The following PDE1C variants were observed in gnomAD, a reference collection of about 807,000 sequenced individuals.
PDE1C encodes the protein dual specificity calcium/calmodulin-dependent 3',5'-cyclic nucleotide phosphodiesterase 1C.
Under a neutral mutation model 93.1 loss-of-function variants are expected in PDE1C, and 62 were observed. That is an observed-to-expected ratio of 0.67 (90% confidence interval 0.54 to 0.82). The LOEUF (loss-of-function observed/expected upper bound fraction) is 0.82, where lower values mean the gene tolerates loss of function less well. Ranked by LOEUF, PDE1C falls within the 40% of genes least tolerant of loss-of-function variation. The pLI is 0.00. For synonymous variants in PDE1C, 325 were observed against 310.1 expected, an observed-to-expected ratio of 1.05 and a Z score of -0.50; for missense variants, 742 against 884.6, an observed-to-expected ratio of 0.84 and a Z score of 2.04.
At chr7:32,372,473 T>C (rs924286910) in intron 1 of PDE1C, among the ~76,000 whole-genome samples, 3 of 152,086 alleles carry the variant, frequency 2.0e-5, no homozygotes, top group Admixed American at 1.3e-4. Context: ...CCTCACACAA[T>C]ACACGAAATT....
chr7:32,340,390 A>G (rs757098366), intron 1 of PDE1C, among the ~76,000 whole-genome samples: 5 of 152,200 alleles, frequency 3.3e-5, no homozygotes, highest in Non-Finnish European at 5.9e-5. Context: ...CAAGGGGAAC[A>G]GTGTGTGCAA....
chr7:32,376,034 C>T (rs1784426935), intron 1 of PDE1C, among the ~76,000 whole-genome samples: 1 of 152,000 alleles, frequency 6.6e-6, no homozygotes, highest in Non-Finnish European at 1.5e-5. Context: ...GCATGTGCCT[C>T]TAATCCCAGC....
Position 32,181,271 on chromosome 7 carries a change from C to T in PDE1C, c.137-11315G>A, listed in dbSNP as rs192650821. ...GAAAGTTAACAAGGATATCCAGGAA[C>T]TGAACTCATCTCTGCACCAAGCGGA... On this transcript the variant is annotated intron_variant, in intron 2 of 18. Coordinates refer to the PDE1C transcript ENST00000396193. Among the ~76,000 whole-genome samples, 40 of 152,188 alleles carry T rather than the reference C, an allele frequency of 2.6e-4. 1 individual carries two copies. In the East Asian group the frequency reaches 7.4e-3, roughly 28 times the overall value.
At chr7:31,904,431 G>T (rs1007001464) in intron 2 of PDE1C, among the ~76,000 whole-genome samples, 3 of 151,504 alleles carry the variant, frequency 2.0e-5, no homozygotes, top group Non-Finnish European at 2.9e-5. Context: ...TGTTAATTTT[G>T]CAGATTCTTC....
At chr7:32,046,506 CTG>C (rs1187139820) in intron 2 of PDE1C, among the ~76,000 whole-genome samples, 1 of 152,098 alleles carries the variant, frequency 6.6e-6, no homozygotes, top group African/African-American at 2.4e-5. Context: ...CTTTGTTCAC[CTG>C]TATCTCACCT....
intron 1 of PDE1C, among the ~76,000 whole-genome samples, chr7:32,061,221 T>C (rs1373224589): frequency 6.6e-6 from 1 of 152,236 alleles, no homozygotes; most frequent in Non-Finnish European, 1.5e-5. Flanking sequence ...GTCTAAATTA[T>C]TGCTCTTCTG....
chr7:31,880,983 A>G, intron 2 of PDE1C, 123 bp from the exon 3 acceptor site: 1 of 673,064 alleles, frequency 1.5e-6, no homozygotes. Flanking sequence ...CTGAAAGGAA[A>G]ATAATTATGG....
At chr7:31,934,581 C>G (rs1162248559) in intron 2 of PDE1C, among the ~76,000 whole-genome samples, 1 of 151,156 alleles carries the variant, frequency 6.6e-6, no homozygotes, top group Non-Finnish European at 1.5e-5. Flanking sequence ...AAAAATCACA[C>G]TAGCTTACGT....
rs1213702808 is a variant in PDE1C at position 31,794,081 on chromosome 7, C to CAGATAGATAGATAGATAGATAGAT, written c.1891+14949_1891+14950insATCTATCTATCTATCTATCTATCT. Among the ~76,000 whole-genome samples the CAGATAGATAGATAGATAGATAGAT allele has an allele frequency of 1.9e-3, 254 of 135,572 alleles. 2 individuals are homozygous for CAGATAGATAGATAGATAGATAGAT. The highest frequency in any genetic ancestry group is 2.5e-3 in the Non-Finnish European group (154 of 62,762). 88.9% of individuals were successfully genotyped at this position (135,572 alleles called of 152,430 possible). On this transcript the variant is annotated intron_variant, in intron 16 of 17. Coordinates refer to ENST00000396191, the MANE Select transcript of PDE1C (RefSeq NM_001191057.4). The stretch of plus-strand genomic sequence containing the variant: ...ACAGACAGACAGACAGACAGACAGA[C>CAGATAGATAGATAGATAGATAGAT]AGACAGACAGATAGATAGACAGATA...
the PDE1C span, among the ~76,000 whole-genome samples, chr7:31,673,752 A>G: frequency 6.6e-6 from 1 of 152,034 alleles, no homozygotes; most frequent in Admixed American, 6.6e-5. Flanking sequence ...CAGTTGTCTC[A>G]ACATCACTGA....
chr7:32,392,486 A>T (rs1335439783), intron 1 of PDE1C, among the ~76,000 whole-genome samples: 4 of 152,204 alleles, frequency 2.6e-5, no homozygotes, highest in Non-Finnish European at 4.4e-5. Context: ...AAGATATCAC[A>T]AGAAAAGAAA....
intron 3 of PDE1C, among the ~76,000 whole-genome samples, chr7:32,128,904 CAAATATATATATATATAT>C (rs1799740990): frequency 2.5e-5 from 1 of 40,814 alleles, no homozygotes; most frequent in African/African-American, 8.8e-5. Flanking sequence ...TAAAGTATAA[CAAATATATATATATATAT>C]ATATATATAT....
At chr7:31,633,695 T>C in the PDE1C span, among the ~76,000 whole-genome samples, 1 of 152,296 alleles carries the variant, frequency 6.6e-6, no homozygotes, top group East Asian at 1.9e-4. Flanking sequence ...GCTAACTTGC[T>C]TGGTGACTCA....
At chr7:31,643,546 T>C in the PDE1C span, 1 of 1,614,056 alleles carries the variant, frequency 6.2e-7, no homozygotes, top group South Asian at 1.1e-5. Flanking sequence ...GGCTGTGGCC[T>C]TGGGGACTGG....
chr7:32,147,536 G>T (rs1800969533), intron 3 of PDE1C, among the ~76,000 whole-genome samples: 1 of 152,068 alleles, frequency 6.6e-6, no homozygotes, highest in South Asian at 2.1e-4. Flanking sequence ...GGTCCAGGAG[G>T]TCTAGTGTAG....
At chr7:31,726,042 C>T in the PDE1C span, among the ~76,000 whole-genome samples, 1 of 152,148 alleles carries the variant, frequency 6.6e-6, no homozygotes. Context: ...TTTCACGTGA[C>T]TTTTACAGAG....
chr7:32,288,789 T>C (rs549087949), intron 1 of PDE1C, among the ~76,000 whole-genome samples: 2 of 152,362 alleles, frequency 1.3e-5, no homozygotes, highest in African/African-American at 4.8e-5. Flanking sequence ...ATGGCGTTAA[T>C]GTGTGTTCCC....
intron 16 of PDE1C, among the ~76,000 whole-genome samples, chr7:31,802,687 A>C (rs780600522): frequency 6.7e-6 from 1 of 150,284 alleles, no homozygotes; most frequent in Non-Finnish European, 1.5e-5. Context: ...TGCTAGGCAC[A>C]GAATTCTTTG....
chr7:32,360,185 T>A (rs922522709), intron 1 of PDE1C, among the ~76,000 whole-genome samples: 1 of 152,084 alleles, frequency 6.6e-6, no homozygotes, highest in African/African-American at 2.4e-5. Flanking sequence ...GGCTGACCAA[T>A]CTGGAATGAA....
Sources: gnomAD v4.1 joint callset for allele counts (sites outside exome capture counted in the v4.1 genomes callset) on GRCh38, gnomAD v4.1.1 for gene constraint, MANE v1.5 for transcripts, NCBI Gene and HGNC (gene_info 2026-07-23, HGNC 2026-07-21) for gene names.